ERCC6L2: variants seen among roughly 807,000 people sequenced by gnomAD.
The protein encoded by ERCC6L2 is DNA excision repair protein ERCC-6-like 2.
Under a neutral mutation model 132.0 loss-of-function variants are expected in ERCC6L2, and 77 were observed. That is an observed-to-expected ratio of 0.58 (90% CI 0.49 to 0.71). The LOEUF (loss-of-function observed/expected upper bound fraction) is 0.71. Ranked by LOEUF, ERCC6L2 falls within the 30% of genes least tolerant of loss-of-function variation. ERCC6L2 has a pLI of 0.00. For missense variants in ERCC6L2, 1,542 were observed against 1,837.6 expected (o/e 0.84, Z 2.94); for synonymous variants, 583 against 632.4 (o/e 0.92, Z 1.17).
chr9:96,033,630 T>G (rs1834488120), intron 19 of ERCC6L2, among the ~76,000 whole-genome samples: 1 of 152,110 alleles, frequency 6.6e-6, no homozygotes, highest in Non-Finnish European at 1.5e-5. Context: ...AAACCCAAAG[T>G]CATTACCCCC....
At chr9:95,958,896 G>A (rs1041635321) in intron 13 of ERCC6L2, among the ~76,000 whole-genome samples, 2 of 151,838 alleles carry the variant, frequency 1.3e-5, no homozygotes, top group African/African-American at 4.8e-5. Flanking sequence ...AGAAATGGAA[G>A]AACATTCCAT....
rs1008286958 is a variant in ERCC6L2 at position 95,875,912 on chromosome 9, G to C, written c.-127G>C. On this transcript the variant is annotated 5_prime_UTR_variant, in exon 1 of 19. Transcript: ENST00000653738. ...CATCCTGTGGCTTCGGGTTGCCGAA[G>C]AGCGATGCTCGGAGGGCGGCCGGAA... 2.0e-6 allele frequency: 2 copies of C among 1,017,876 alleles called. No homozygotes were observed. The highest frequency in any genetic ancestry group is 2.9e-6 in the Non-Finnish European group (2 of 686,310). 63.1% of individuals were successfully genotyped at this position (1,017,876 alleles called of 1,614,324 possible).
intron 18 of ERCC6L2, among the ~76,000 whole-genome samples, chr9:96,009,446 C>T (rs1023292498): frequency 2.6e-5 from 4 of 152,216 alleles, no homozygotes; most frequent in Admixed American, 6.5e-5. Flanking sequence ...CCTCTCCTTC[C>T]GGAAGCTTAG....
chr9:95,966,560 A>T lies in ERCC6L2; in HGVS notation c.1948-2A>T. 6.8e-7 allele frequency: 1 copy of T among 1,461,770 alleles called. No homozygotes were observed. Among genetic ancestry groups the T allele is most frequent in the Admixed American group, 2.1e-5 (1 of 48,658 alleles). 90.5% of individuals were successfully genotyped at this position (1,461,770 alleles called of 1,614,324 possible). A position where few individuals can be genotyped will look rare whatever the true frequency, so the allele number is the denominator to read the frequency against. On this transcript the variant is annotated splice_acceptor_variant, in intron 13 of 18. Coordinates refer to ENST00000653738, the MANE Select transcript of ERCC6L2 (RefSeq NM_020207.7). LOFTEE classifies it high-confidence loss of function. ...AAATGTCTTGTGTTTTTTCTGTTTT[A>T]GCAACTTCACTGTGTGGTGGTTGGA...
intron 6 of ERCC6L2, chr9:95,918,251 C>G (rs1026234842): frequency 1.4e-5 from 6 of 436,804 alleles, no homozygotes; most frequent in Non-Finnish European, 2.7e-5. Context: ...GCAGGTCTGG[C>G]TGGAAAAGAC....
intron 17 of ERCC6L2, among the ~76,000 whole-genome samples, chr9:95,986,277 G>A (rs1833091886): frequency 6.6e-6 from 1 of 152,108 alleles, no homozygotes; most frequent in Admixed American, 6.5e-5. Context: ...TCAAATAACA[G>A]CAGGTCTGGA....
intron 17 of ERCC6L2, among the ~76,000 whole-genome samples, chr9:95,991,333 T>C (rs549305966): frequency 1.3e-5 from 2 of 152,264 alleles, no homozygotes; most frequent in East Asian, 3.9e-4. Context: ...CGAATATCTT[T>C]GAGGAAGCAG....
intron 13 of ERCC6L2, among the ~76,000 whole-genome samples, chr9:95,958,119 C>T (rs1443374831): frequency 6.8e-6 from 1 of 147,816 alleles, no homozygotes; most frequent in Admixed American, 6.9e-5. Flanking sequence ...TGAGTGAGAA[C>T]ATGCAGTGTT....
intron 7 of ERCC6L2, 85 bp from the exon 8 acceptor site, chr9:95,922,220 G>A (rs1161061757): frequency 1.2e-5 from 7 of 604,610 alleles, no homozygotes; most frequent in East Asian, 3.0e-5. Context: ...GATAATAAAT[G>A]TTATTGTAAG....
rs955327481 is a variant in ERCC6L2 at position 96,012,777 on chromosome 9, G to A, written c.4227G>A (p.Thr1409=). ...TMKDQQDLTR[T]GISRKEPLLK... Reference sequence around the variant, plus strand: ...AAGACCAACAGGACCTCACAAGAACGGGCATTTCAAGAAAAGAACCCCTTC... The same window carrying A: ...AAGACCAACAGGACCTCACAAGAACAGGCATTTCAAGAAAAGAACCCCTTC... The change falls in exon 19 of 19, where the codon ACG becomes ACA. Residue 1409 remains threonine, a synonymous_variant. Coordinates refer to ENST00000653738, the MANE Select transcript of ERCC6L2 (RefSeq NM_020207.7). The A allele has an allele frequency of 2.9e-6, 4 of 1,367,354 alleles. No individual in the cohort carries two copies. The highest frequency in any genetic ancestry group is 3.9e-6 in the Non-Finnish European group (4 of 1,021,820). The allele number at this position is 1,367,354 out of a possible 1,614,324, so 84.7% of individuals were successfully genotyped here.
In ERCC6L2 at chr9:95,960,987, C is replaced by G. The variant is rs551960130; in HGVS notation, c.1947+4974C>G. 7.9e-5 allele frequency among the ~76,000 whole-genome samples: 12 copies of G among 152,208 alleles called. No individual in the cohort carries two copies. In the South Asian group the frequency reaches 2.5e-3, roughly 32 times the overall value. The stretch of plus-strand genomic sequence containing the variant: ...AAGAGGGAACACTTCCAACTTACTT[C>G]ACAAAAACAGTAGAATCCTGATACC... On this transcript the variant is annotated intron_variant, in intron 13 of 18. Coordinates refer to ENST00000653738, the MANE Select transcript of ERCC6L2 (RefSeq NM_020207.7).
In ERCC6L2 at chr9:96,018,357, C is replaced by G. The variant is rs1051166257; in HGVS notation, c.*5154C>G. On this transcript the variant is annotated 3_prime_UTR_variant, in exon 19 of 19. Transcript: ENST00000653738. ...AGATTGCTGACTATATTTTACTTAT[C>G]AATTTGAAATTATATTGTTTTTATG... is the stretch of plus-strand genomic sequence containing the variant. Among the ~76,000 whole-genome samples the G allele has an allele frequency of 2.6e-5, 4 of 152,148 alleles. No homozygotes were observed. Among genetic ancestry groups the G allele is most frequent in the Non-Finnish European group, 5.9e-5 (4 of 68,026 alleles).
chr9:95,902,596 A>G (rs568342546), intron 3 of ERCC6L2, among the ~76,000 whole-genome samples: 1 of 152,282 alleles, frequency 6.6e-6, no homozygotes, highest in East Asian at 1.9e-4. Context: ...CTGGAATTGG[A>G]TAGCAGGTAG....
rs912396615 is a variant in ERCC6L2, at chr9:95,939,796, A to G, written c.1752-1658A>G. On this transcript the variant is annotated intron_variant, in intron 11 of 18. Transcript: ENST00000653738. ...GTAATTCCAACATCTGATTCATCTC[A>G]GTCTTTTCTTATTCAGGCTGCAATT... 7.2e-5 allele frequency among the ~76,000 whole-genome samples: 11 copies of G among 152,228 alleles called. No homozygotes were observed. In the East Asian group the frequency reaches 1.7e-3, roughly 24 times the overall value.
At chr9:95,938,397 A>G (rs1399851533) in intron 11 of ERCC6L2, among the ~76,000 whole-genome samples, 5 of 151,732 alleles carry the variant, frequency 3.3e-5, no homozygotes, top group East Asian at 1.9e-4. Flanking sequence ...ATCCTTGCCA[A>G]TTTTCTCTCT....
In ERCC6L2 at chr9:95,876,075, T is replaced by G; in HGVS notation, c.37T>G (p.Ser13Ala). ...GGCGCCACAGCCCCGCGCGGAAACC[T>G]CAGGCAAAGGTACCAGCTCCGCGCT... ...PSAPQPRAET[S>A]GKDIWHPGER... Residue 13 changes from serine to alanine, a missense_variant, in exon 1 of 19, where the codon TCA becomes GCA. Around this residue, in one of 4 missense-constraint regions of ERCC6L2, gnomAD observed 153 missense variants for 132.3 expected, o/e 1.16. Coordinates refer to ENST00000653738, the MANE Select transcript of ERCC6L2 (RefSeq NM_020207.7). The G allele has an allele frequency of 1.3e-6, 2 of 1,580,914 alleles. No individual in the cohort carries two copies. The highest frequency in any genetic ancestry group is 2.3e-5 in the East Asian group (1 of 42,658).
downstream of ERCC6L2, among the ~76,000 whole-genome samples, chr9:96,023,054 A>G (rs1834316852): frequency 6.6e-6 from 1 of 152,084 alleles, no homozygotes; most frequent in Non-Finnish European, 1.5e-5. Flanking sequence ...ATTTCCATCA[A>G]TAATTGTTGG....
At chr9:95,969,368 A>G (rs1379904395) in intron 14 of ERCC6L2, among the ~76,000 whole-genome samples, 2 of 152,202 alleles carry the variant, frequency 1.3e-5, no homozygotes, top group African/African-American at 2.4e-5. Flanking sequence ...TACTGCAGTA[A>G]TCCAGCTGAG....
chr9:96,016,107 C>T lies in ERCC6L2; in HGVS notation c.*2904C>T, dbSNP rs1375622279. ...CCCCACTCCACTGGTGATGTGTCAC[C>T]AAGTTCTGCTAACTAAATGGGTGGC... On this transcript the variant is annotated 3_prime_UTR_variant, in exon 19 of 19. Transcript: ENST00000653738. Among the ~76,000 whole-genome samples, 1 of 152,118 alleles carries T rather than the reference C, an allele frequency of 6.6e-6. No individual in the cohort carries two copies. The highest frequency in any genetic ancestry group is 1.5e-5 in the Non-Finnish European group (1 of 68,020).
Sources: allele counts gnomAD v4.1 joint callset (sites outside exome capture counted in the v4.1 genomes callset), GRCh38; gene constraint gnomAD v4.1.1; regional missense constraint gnomAD v4.1.1; transcripts MANE v1.5; gene names NCBI Gene and HGNC (gene_info 2026-07-23, HGNC 2026-07-21).